Variants in PACS1 observed in about 807,000 individuals in gnomAD.
The protein encoded by PACS1 is PACS-1.
Under a neutral mutation model 115.0 loss-of-function variants are expected in PACS1, and 24 were observed. The observed-to-expected ratio is 0.21, with a 90% CI of 0.15 to 0.29. The LOEUF (loss-of-function observed/expected upper bound fraction) is 0.29. PACS1 is among the 10% of genes least tolerant of loss of function. The pLI is 1.00. For synonymous variants in PACS1, 453 were observed against 504.5 expected, an observed-to-expected ratio of 0.90 and a Z score of 1.37; for missense variants, 838 against 1,251.2, an observed-to-expected ratio of 0.67 and a Z score of 4.98.
At chr11:66,164,946 A>C (rs1437809981) in intron 1 of PACS1, among the ~76,000 whole-genome samples, 5 of 152,078 alleles carry the variant, frequency 3.3e-5, no homozygotes, top group Non-Finnish European at 5.9e-5. Flanking sequence ...CTAGAAATTG[A>C]GTTGGTGGCC....
chr11:66,091,724 AT>A (rs1411109709), intron 1 of PACS1, among the ~76,000 whole-genome samples: 1 of 143,278 alleles, frequency 7.0e-6, no homozygotes, highest in Admixed American at 7.1e-5. Context: ...TCCTGTGTCC[AT>A]GTGTTCTCAT....
intron 1 of PACS1, among the ~76,000 whole-genome samples, 186 bp from the exon 2 acceptor site, chr11:66,193,300 C>T (rs1428673365): frequency 6.6e-6 from 1 of 152,086 alleles, no homozygotes; most frequent in Admixed American, 6.5e-5. Flanking sequence ...TAGTGAGACC[C>T]ATCTCTTAAA....
chr11:66,162,106 G>A (rs1565129515), intron 1 of PACS1, among the ~76,000 whole-genome samples: 1 of 145,494 alleles, frequency 6.9e-6, no homozygotes, highest in Non-Finnish European at 1.5e-5. Flanking sequence ...GTTGGTGGTG[G>A]TGGTGGTTTT....
chr11:66,148,577 G>T (rs1565124669), intron 1 of PACS1, among the ~76,000 whole-genome samples: 1 of 152,110 alleles, frequency 6.6e-6, no homozygotes, highest in Non-Finnish European at 1.5e-5. Flanking sequence ...CATCAGAAAG[G>T]GACTGATTAA....
intron 1 of PACS1, among the ~76,000 whole-genome samples, chr11:66,186,894 C>T (rs1226071230): frequency 6.6e-6 from 1 of 152,190 alleles, no homozygotes; most frequent in African/African-American, 2.4e-5. Flanking sequence ...TCCCTCATAT[C>T]CCTTCCAATC....
chr11:66,151,829 GATCAAAGA>G (rs1859248621), intron 1 of PACS1, among the ~76,000 whole-genome samples: 2 of 152,148 alleles, frequency 1.3e-5, no homozygotes, highest in Admixed American at 6.6e-5. Flanking sequence ...ACTGTGCTAT[GATCAAAGA>G]ATTAAAGGAA....
In PACS1 at chr11:66,070,651, G is replaced by A. The variant is rs1257360255; in HGVS notation, c.165G>A (p.Ser55=). ...CCCCCAAGCTGGCCCAGGCCACCTC[G>A]TCGTCCTCGTCCACCTCGGCGGCGG... ...PTPPKLAQAT[S]SSSSTSAAAA... Residue 55 remains serine (S), a synonymous_variant, in exon 1 of 24, where the codon TCG becomes TCA. Coordinates refer to ENST00000320580, the MANE Select transcript of PACS1 (RefSeq NM_018026.4). This position sits in a 1 kb window ranked among gnomAD's most constrained non-coding sequence, Gnocchi z 5.9. 6.4e-7 allele frequency: 1 copy of A among 1,564,402 alleles called. No individual in the cohort carries two copies. Among genetic ancestry groups the A allele is most frequent in the Admixed American group, 1.7e-5 (1 of 57,418 alleles).
chr11:66,215,333 T>C (rs1328871839), intron 4 of PACS1, among the ~76,000 whole-genome samples: 1 of 150,330 alleles, frequency 6.7e-6, no homozygotes, highest in Admixed American at 6.6e-5. Flanking sequence ...CCAAATGCAG[T>C]GGCTCACGCC....
At chr11:66,155,456 G>A (rs1015869828) in intron 1 of PACS1, among the ~76,000 whole-genome samples, 1 of 152,058 alleles carries the variant, frequency 6.6e-6, no homozygotes, top group Admixed American at 6.6e-5. Context: ...TACTTCACAA[G>A]GTAAGATAAA....
In PACS1 at chr11:66,136,323, T is replaced by TCTCACACA. The variant is rs1456724621; in HGVS notation, c.357-57162_357-57161insTCACACAC. 3.1e-4 allele frequency among the ~76,000 whole-genome samples: 45 copies of TCTCACACA among 145,912 alleles called. 1 individual carries two copies. Among genetic ancestry groups the TCTCACACA allele is most frequent in the African/African-American group, 1.1e-3 (41 of 38,744 alleles). On this transcript the variant is annotated intron_variant, in intron 1 of 23. Coordinates refer to ENST00000320580, the MANE Select transcript of PACS1 (RefSeq NM_018026.4). Reference sequence around the variant, plus strand: ...GAAACAGGACTGCCCAATCCCACTGTCACACACACACACACACACACACAC... The same window carrying TCTCACACA: ...GAAACAGGACTGCCCAATCCCACTGTCTCACACACACACACACACACACACACACACAC...
intron 1 of PACS1, among the ~76,000 whole-genome samples, chr11:66,095,502 G>C (rs1404023523): frequency 6.6e-6 from 1 of 152,228 alleles, no homozygotes; most frequent in Non-Finnish European, 1.5e-5. Flanking sequence ...CTGTTGCCCA[G>C]TCTGGAGTGC....
At chr11:66,081,654 T>C (rs1857481890) in intron 1 of PACS1, among the ~76,000 whole-genome samples, 1 of 152,170 alleles carries the variant, frequency 6.6e-6, no homozygotes, top group African/African-American at 2.4e-5. Flanking sequence ...CCAGCTTATA[T>C]GAACGGAAGA....
chr11:66,243,249 T>C lies in PACS1; in HGVS notation c.2861T>C (p.Val954Ala). Residue 954 changes from valine to alanine, a missense_variant, in exon 24 of 24, where the codon GTG (valine) becomes GCG (alanine). Physicochemically the swap from Val to Ala is moderately conservative, Grantham distance 64. Transcript: ENST00000320580. ...QWPTHVKHFPVGLFSGSKAT is the reference protein window; with the variant it reads ...QWPTHVKHFPAGLFSGSKAT ...CCCACCCATGTCAAGCACTTTCCAG[T>C]GGGACTCTTCAGTGGCAGCAAGGCC... 6.2e-7 allele frequency: 1 copy of C among 1,609,928 alleles called. No homozygotes were observed. Among genetic ancestry groups the C allele is most frequent in the Non-Finnish European group, 8.5e-7 (1 of 1,177,954 alleles).
At chr11:66,108,290 T>C (rs553039796) in intron 1 of PACS1, among the ~76,000 whole-genome samples, 1 of 152,272 alleles carries the variant, frequency 6.6e-6, no homozygotes, top group African/African-American at 2.4e-5. Flanking sequence ...AGAGAGCATA[T>C]GTAAGCCCTT....
intron 1 of PACS1, among the ~76,000 whole-genome samples, chr11:66,081,491 T>C (rs1181192231): frequency 6.6e-6 from 1 of 152,142 alleles, no homozygotes; most frequent in Non-Finnish European, 1.5e-5. Flanking sequence ...TAGGGTAATA[T>C]TCAGATTTCC....
intron 13 of PACS1, among the ~76,000 whole-genome samples, chr11:66,231,141 C>G (rs944177627): frequency 1.3e-5 from 2 of 152,256 alleles, no homozygotes; most frequent in Non-Finnish European, 2.9e-5. Flanking sequence ...CTGGCTTCCA[C>G]GCTGACCTCT....
At chr11:66,237,980 C>T (rs1353485504) in intron 19 of PACS1, 6 of 854,844 alleles carry the variant, frequency 7.0e-6, no homozygotes, top group Non-Finnish European at 8.4e-6. Context: ...GCCCTCTGGA[C>T]TCCCAGCCCA....
At chr11:66,075,956 C>T (rs926583986) in intron 1 of PACS1, among the ~76,000 whole-genome samples, 3 of 152,086 alleles carry the variant, frequency 2.0e-5, no homozygotes, top group East Asian at 1.9e-4. Flanking sequence ...CCAGGATGCT[C>T]TCGATCTCCT....
chr11:66,162,161 G>A (rs1430457778), intron 1 of PACS1, among the ~76,000 whole-genome samples: 3 of 111,842 alleles, frequency 2.7e-5, no homozygotes, highest in South Asian at 3.1e-4. Context: ...TGTCTCTGTC[G>A]CCCAAGCTGG....
Sources: allele counts gnomAD v4.1 joint callset (sites outside exome capture counted in the v4.1 genomes callset), GRCh38; gene constraint gnomAD v4.1.1; non-coding constraint Gnocchi (gnomAD v3.1); transcripts MANE v1.5; gene names NCBI Gene and HGNC (gene_info 2026-07-23, HGNC 2026-07-21).